Variants in WBP2NL observed in about 807,000 individuals in gnomAD.
WBP2NL encodes the protein postacrosomal sheath WW domain-binding protein.
In WBP2NL, 27 loss-of-function variants were observed where a neutral mutation model predicts 23.3. The ratio of observed to expected loss-of-function variants is 1.16; its 90% CI spans 0.85 to 1.60. The LOEUF (loss-of-function observed/expected upper bound fraction) is 1.60, where lower values mean the gene tolerates loss of function less well. WBP2NL is among the 40% of genes most tolerant of loss of function. The probability of loss-of-function intolerance (pLI) is 0.00; values close to 1 mark genes in which losing one functional copy is unlikely to be tolerated. For synonymous variants in WBP2NL, 151 were observed against 145.9 expected, an observed-to-expected ratio of 1.03 and a Z score of -0.25; for missense variants, 370 against 389.5, an observed-to-expected ratio of 0.95 and a Z score of 0.42.
chr22:42,025,017 C>T (rs976661582), intron 5 of WBP2NL, among the ~76,000 whole-genome samples: 2 of 152,144 alleles, frequency 1.3e-5, no homozygotes, highest in African/African-American at 4.8e-5. Context: ...TGTTCAGACT[C>T]ATCTAGAACT....
chr22:42,058,118 G>A lies in WBP2NL; in HGVS notation c.*274-172G>A, dbSNP rs187388227. On this transcript the variant is annotated intron_variant and NMD_transcript_variant, in intron 8 of 8. Transcript: ENST00000436265. ...TTTTTAATAGAGATGGGGTTTCACC[G>A]TGTTAGCCAGGATGGTCTCAATCTC... 2.4e-3 allele frequency among the ~76,000 whole-genome samples: 368 copies of A among 150,542 alleles called. 3 individuals carry two copies. Among genetic ancestry groups the A allele is most frequent in the Admixed American group, 4.9e-3 (74 of 15,072 alleles).
intron 5 of WBP2NL, among the ~76,000 whole-genome samples, chr22:42,024,498 C>CT (rs201957789): frequency 9.2e-4 from 138 of 149,958 alleles, no homozygotes; most frequent in African/African-American, 1.9e-3. Flanking sequence ...ACTTATCTTC[C>CT]TTTTTTTAAA....
At chr22:42,009,257 CCATAGGT>C (rs1431864729) in intron 1 of WBP2NL, among the ~76,000 whole-genome samples, 1 of 152,222 alleles carries the variant, frequency 6.6e-6, no homozygotes, top group Non-Finnish European at 1.5e-5. Context: ...TTCTCCCATT[CCATAGGT>C]TGCTGTTTCA....
rs377572344 is a variant in WBP2NL, at chr22:42,005,015, G to A, written c.62+6135G>A. Reference sequence around the variant, plus strand: ...GGGCAGATCACAAAGTCAGGAGTTCGAGACCAGCCTGACCAACATGATGAA... The same window carrying A: ...GGGCAGATCACAAAGTCAGGAGTTCAAGACCAGCCTGACCAACATGATGAA... On this transcript the variant is annotated intron_variant, in intron 1 of 5. Coordinates refer to ENST00000328823, the MANE Select transcript of WBP2NL (RefSeq NM_152613.3). 3.0e-3 allele frequency among the ~76,000 whole-genome samples: 457 copies of A among 150,206 alleles called. 2 individuals are homozygous for A. The highest frequency in any genetic ancestry group is 0.018 in the East Asian group (92 of 5,038).
At chr22:42,016,514 T>C (rs1923323049) in intron 1 of WBP2NL, among the ~76,000 whole-genome samples, 1 of 152,174 alleles carries the variant, frequency 6.6e-6, no homozygotes, top group South Asian at 2.1e-4. Flanking sequence ...CCAGGGTAGG[T>C]TAAAATGTCA....
chr22:42,006,835 G>A (rs1381799186), intron 1 of WBP2NL, among the ~76,000 whole-genome samples: 1 of 152,188 alleles, frequency 6.6e-6, no homozygotes, highest in Non-Finnish European at 1.5e-5. Flanking sequence ...GCTGTGTTTT[G>A]TAGAGATTTT....
chr22:42,001,245 G>A (rs1420620781), intron 1 of WBP2NL: 1 of 693,346 alleles, frequency 1.4e-6, no homozygotes, highest in East Asian at 2.5e-5. Context: ...CATCCTGACT[G>A]CATCATCATG....
chr22:42,016,122 CAG>C (rs561095155), intron 1 of WBP2NL, among the ~76,000 whole-genome samples: 81 of 152,162 alleles, frequency 5.3e-4, no homozygotes, highest in African/African-American at 1.9e-3. Context: ...GCTGGGATTA[CAG>C]ACACATGCCA....
intron 8 of WBP2NL, among the ~76,000 whole-genome samples, chr22:42,051,914 TATA>T (rs1925849895): frequency 6.6e-6 from 1 of 152,228 alleles, no homozygotes; most frequent in Non-Finnish European, 1.5e-5. Context: ...AGTAGAATAT[TATA>T]ATACATTATC....
intron 8 of WBP2NL, among the ~76,000 whole-genome samples, chr22:42,047,712 C>T (rs192616268): frequency 4.0e-5 from 6 of 150,422 alleles, no homozygotes; most frequent in Non-Finnish European, 7.4e-5. Context: ...AGCTCCGCCT[C>T]CCGGGTTCAC....
At chr22:42,034,565 C>CT (rs1311294738), downstream of WBP2NL, among the ~76,000 whole-genome samples, 1 of 152,198 alleles carries the variant, frequency 6.6e-6, no homozygotes, top group African/African-American at 2.4e-5. Flanking sequence ...TTGATAACAT[C>CT]TTATCAGGAG....
At chr22:42,020,279 ATCCTCTT>A (rs1923771153) in intron 4 of WBP2NL, among the ~76,000 whole-genome samples, 183 bp downstream of exon 4, 1 of 151,954 alleles carries the variant, frequency 6.6e-6, no homozygotes, top group Non-Finnish European at 1.5e-5. Flanking sequence ...AACTCAAATG[ATCCTCTT>A]GCCTCAGCCT....
downstream of WBP2NL, among the ~76,000 whole-genome samples, chr22:42,036,361 A>G (rs537134612): frequency 2.7e-4 from 41 of 152,180 alleles, no homozygotes; most frequent in South Asian, 8.5e-3. Context: ...CTTTTAGTAG[A>G]GATGGGGTTT....
chr22:42,057,912 T>TATATACA (rs1926146460), intron 8 of WBP2NL, among the ~76,000 whole-genome samples: 2 of 65,962 alleles, frequency 3.0e-5, no homozygotes, highest in African/African-American at 1.4e-4. Context: ...TTTTTTTTTT[T>TATATACA]TTTTTTTTTT....
Position 42,026,748 on chromosome 22 carries a change from T to C in WBP2NL, c.515-18T>C. The C allele has an allele frequency of 6.2e-7, 1 of 1,602,936 alleles. No homozygotes were observed. The highest frequency in any genetic ancestry group is 8.5e-7 in the Non-Finnish European group (1 of 1,174,698). The stretch of plus-strand genomic sequence containing the variant: ...CTTAAAGGTAACTGAATTTTTTTCC[T>C]TCCATTATAATTCCCAGTTATTGTC... On this transcript the variant is annotated intron_variant, in intron 5 of 5. Coordinates refer to ENST00000328823, the MANE Select transcript of WBP2NL (RefSeq NM_152613.3).
rs372771090 is a variant in WBP2NL at position 42,038,119 on chromosome 22, T to G, written c.*273+7296T>G. 2.4e-3 allele frequency among the ~76,000 whole-genome samples: 360 copies of G among 152,338 alleles called. 1 individual carries two copies. Among genetic ancestry groups the G allele is most frequent in the African/African-American group, 8.5e-3 (352 of 41,574 alleles). On this transcript the variant is annotated intron_variant and NMD_transcript_variant, in intron 8 of 8. Coordinates refer to the WBP2NL transcript ENST00000436265. The stretch of plus-strand genomic sequence containing the variant: ...TGTGATGTTAGTTGTGGGCATTTCA[T>G]AAGTGACCTTTATTGCATTGAGGTA...
downstream of WBP2NL, among the ~76,000 whole-genome samples, chr22:42,034,000 C>T (rs2146811136): frequency 6.6e-6 from 1 of 152,352 alleles, no homozygotes; most frequent in South Asian, 2.1e-4. Context: ...TACCCAGGAA[C>T]CTGTCTGCCT....
Position 42,026,882 on chromosome 22 carries a change from A to T in WBP2NL, c.631A>T (p.Arg211Ter), listed in dbSNP as rs752381852. The T allele has an allele frequency of 8.1e-6, 13 of 1,610,344 alleles. No individual in the cohort carries two copies. Among genetic ancestry groups the T allele is most frequent in the Non-Finnish European group, 1.1e-5 (13 of 1,179,124 alleles). The change falls in exon 6 of 6, where the codon AGA becomes TGA. Residue 211 changes from arginine (R) to a stop codon, truncating the protein, a stop_gained. Coordinates refer to ENST00000328823, the MANE Select transcript of WBP2NL (RefSeq NM_152613.3). LOFTEE classifies it low-confidence loss of function (END_TRUNC). The part of the protein sequence containing the change: ...VGNEGPPVGY[R>*]ASPVRYGAPP... The stretch of plus-strand genomic sequence containing the variant: ...AAATGAAGGCCCGCCTGTGGGATAC[A>T]GAGCCTCACCTGTGCGATATGGAGC...
intron 4 of WBP2NL, among the ~76,000 whole-genome samples, chr22:42,020,401 G>C (rs1459112194): frequency 6.6e-5 from 10 of 152,120 alleles, no homozygotes; most frequent in Non-Finnish European, 1.2e-4. Flanking sequence ...AAGATTTGCT[G>C]GCCTTTGTGG....
Sources: gnomAD v4.1 joint callset for allele counts (sites outside exome capture counted in the v4.1 genomes callset) on GRCh38, gnomAD v4.1.1 for gene constraint, MANE v1.5 for transcripts, NCBI Gene and HGNC (gene_info 2026-07-23, HGNC 2026-07-21) for gene names.